The following NTRK3 variants were observed in gnomAD, a reference collection of about 807,000 sequenced individuals.
The protein encoded by NTRK3 is NT-3 growth factor receptor.
A neutral mutation model predicts 91.7 loss-of-function variants in NTRK3; 24 were observed. That is an observed-to-expected ratio of 0.26 (90% CI 0.19 to 0.37). The LOEUF is 0.37. Among genes scored for constraint, NTRK3 ranks in the 10% least tolerant of loss-of-function variants. The pLI is 1.00. For missense variants in NTRK3, 880 were observed against 1,068.9 expected (o/e 0.82, Z 2.46); for synonymous variants, 483 against 404.0 (o/e 1.20, Z -2.34).
At chr15:87,967,338 T>A (rs575350833) in intron 14 of NTRK3, among the ~76,000 whole-genome samples, 5 of 152,256 alleles carry the variant, frequency 3.3e-5, no homozygotes, top group African/African-American at 1.2e-4. Flanking sequence ...CTGGGTGCTA[T>A]ACAGAGTTAA....
chr15:88,063,616 C>T (rs1232121067), intron 13 of NTRK3, among the ~76,000 whole-genome samples: 1 of 152,196 alleles, frequency 6.6e-6, no homozygotes, highest in Non-Finnish European at 1.5e-5. Context: ...TATCCTGGGA[C>T]AGTGAGTGTG....
intron 3 of NTRK3, among the ~76,000 whole-genome samples, chr15:88,225,482 G>A (rs1385442610): frequency 6.6e-6 from 1 of 152,136 alleles, no homozygotes; most frequent in Non-Finnish European, 1.5e-5. Flanking sequence ...GTTCAGAGTG[G>A]AGAAGGCTCC....
exon 19 of NTRK3, chr15:87,859,852 CAT>C (rs1449645926): frequency 1.7e-5 from 3 of 180,474 alleles, no homozygotes; most frequent in African/African-American, 7.1e-5. Flanking sequence ...GAGTTGTTAA[CAT>C]AACATTGAAG....
At chr15:88,101,493 T>C (rs2050168166) in intron 13 of NTRK3, among the ~76,000 whole-genome samples, 1 of 152,200 alleles carries the variant, frequency 6.6e-6, no homozygotes, top group Non-Finnish European at 1.5e-5. Context: ...GAAATACCAT[T>C]TGACCCAGCC....
intron 14 of NTRK3, among the ~76,000 whole-genome samples, chr15:87,987,098 G>A (rs1296668304): frequency 2.6e-5 from 4 of 152,216 alleles, no homozygotes; most frequent in African/African-American, 7.2e-5. Context: ...CTCAGACCCC[G>A]CTGAATCAAC....
intron 13 of NTRK3, among the ~76,000 whole-genome samples, chr15:88,050,118 C>A (rs1004174126): frequency 1.3e-5 from 2 of 151,826 alleles, no homozygotes; most frequent in African/African-American, 4.8e-5. Flanking sequence ...AGTTAAGCAC[C>A]AAGAATATAA....
At position 88,099,975 on chromosome 15, in the gene NTRK3, G is replaced by A. The variant is rs547845093; in HGVS notation, c.1396+26296C>T. On this transcript the variant is annotated intron_variant, in intron 13 of 18. Coordinates refer to ENST00000394480, the Ensembl canonical transcript of NTRK3. ...TCTCTGGCCTTTTGAGGACTCTACG[G>A]TTAAAAGTTAACTCCAAGGGCAGCA... Among the ~76,000 whole-genome samples the A allele has an allele frequency of 5.3e-5, 8 of 152,226 alleles. No individual in the cohort carries two copies. In the South Asian group the frequency reaches 1.7e-3, roughly 32 times the overall value.
At chr15:88,149,006 C>T (rs1170093156) in intron 5 of NTRK3, among the ~76,000 whole-genome samples, 1 of 152,186 alleles carries the variant, frequency 6.6e-6, no homozygotes, top group Non-Finnish European at 1.5e-5. Flanking sequence ...TAGAGACCTT[C>T]CCCTTGCAAA....
At chr15:87,959,123 C>A (rs2071988342) in intron 14 of NTRK3, among the ~76,000 whole-genome samples, 1 of 152,156 alleles carries the variant, frequency 6.6e-6, no homozygotes, top group South Asian at 2.1e-4. Flanking sequence ...TGCTCTCCAA[C>A]CACTCAGTGG....
intron 13 of NTRK3, among the ~76,000 whole-genome samples, chr15:88,061,111 C>T (rs909792731): frequency 2.0e-5 from 3 of 151,978 alleles, no homozygotes; most frequent in African/African-American, 4.8e-5. Flanking sequence ...CCTTGTTGAG[C>T]GGCTTTCAAA....
At chr15:88,193,688 T>C (rs1299616706) in intron 3 of NTRK3, among the ~76,000 whole-genome samples, 1 of 152,208 alleles carries the variant, frequency 6.6e-6, no homozygotes, top group Non-Finnish European at 1.5e-5. Context: ...GCTTCCCATG[T>C]GGACTTTCTA....
intron 14 of NTRK3, among the ~76,000 whole-genome samples, chr15:88,016,219 G>T (rs1387542441): frequency 6.6e-6 from 1 of 152,062 alleles, no homozygotes; most frequent in East Asian, 1.9e-4. Context: ...CAAATGTTAG[G>T]TGTTCTGTCT....
exon 3 of NTRK3, chr15:88,256,136 G>A (rs1465837535): frequency 1.3e-6 from 2 of 1,546,152 alleles, no homozygotes; most frequent in Admixed American, 1.7e-5. Context: ...ACTTGGCTGG[G>A]CAAAGAGAGA....
intron 5 of NTRK3, among the ~76,000 whole-genome samples, chr15:88,166,321 C>G (rs1216459905): frequency 1.3e-5 from 2 of 152,302 alleles, no homozygotes; most frequent in East Asian, 3.9e-4. Context: ...GGTCTAGATC[C>G]CAGCAGGAGG....
chr15:88,215,593 C>A (rs2049698903), intron 3 of NTRK3, among the ~76,000 whole-genome samples: 1 of 152,048 alleles, frequency 6.6e-6, no homozygotes, highest in South Asian at 2.1e-4. Context: ...GGAAGAGGCC[C>A]AAAGAATTCT....
At chr15:88,192,426 G>T (rs1054265804) in intron 3 of NTRK3, among the ~76,000 whole-genome samples, 1 of 152,112 alleles carries the variant, frequency 6.6e-6, no homozygotes, top group Non-Finnish European at 1.5e-5. Context: ...GGCAACCCCA[G>T]CTTGCCTACA....
chr15:88,183,928 G>A (rs1166187601), intron 4 of NTRK3, among the ~76,000 whole-genome samples: 2 of 151,872 alleles, frequency 1.3e-5, no homozygotes, highest in Non-Finnish European at 2.9e-5. Context: ...GTAGGGAAAG[G>A]ACACTCACCC....
intron 3 of NTRK3, among the ~76,000 whole-genome samples, chr15:88,202,145 C>T (rs1436843646): frequency 6.6e-6 from 1 of 152,204 alleles, no homozygotes; most frequent in Non-Finnish European, 1.5e-5. Flanking sequence ...CCAAAACCTG[C>T]AGGAGCCTTC....
At chr15:88,074,690 C>A (rs1157198913) in intron 13 of NTRK3, among the ~76,000 whole-genome samples, 1 of 152,184 alleles carries the variant, frequency 6.6e-6, no homozygotes, top group African/African-American at 2.4e-5. Flanking sequence ...TGTGGCTCTG[C>A]CAAAGAAAAT....
Sources: gnomAD v4.1 joint callset for allele counts (sites outside exome capture counted in the v4.1 genomes callset) on GRCh38, gnomAD v4.1.1 for gene constraint, MANE v1.5 for transcripts, NCBI Gene and HGNC (gene_info 2026-07-23, HGNC 2026-07-21) for gene names.